Variants in TNIK observed in about 807,000 individuals in gnomAD.
TNIK encodes the protein TRAF2 and NCK-interacting protein kinase.
A neutral mutation model predicts 191.3 loss-of-function variants in TNIK; 49 were observed. The observed-to-expected ratio is 0.26, with a 90% CI of 0.20 to 0.32. The LOEUF (loss-of-function observed/expected upper bound fraction) is 0.32, where lower values mean the gene tolerates loss of function less well. Among genes scored for constraint, TNIK ranks in the 10% least tolerant of loss-of-function variants. The pLI is 1.00. For synonymous variants in TNIK, 594 were observed against 600.9 expected, an observed-to-expected ratio of 0.99 and a Z score of 0.17; for missense variants, 1,155 against 1,702.3, an observed-to-expected ratio of 0.68 and a Z score of 5.66.
Position 171,408,022 on chromosome 3 carries a change from AAATCATAAGACAGTATAATGGG to A in TNIK, c.58-38359_58-38338del, listed in dbSNP as rs1483360510. 3.2e-4 allele frequency among the ~76,000 whole-genome samples: 49 copies of A among 152,360 alleles called. 2 individuals are homozygous for A. The highest frequency in any genetic ancestry group is 9.6e-4 in the African/African-American group (40 of 41,578). On this transcript the variant is annotated intron_variant, in intron 1 of 32. Transcript: ENST00000436636. ...ATAAATGGCTGAAGATAAAAGAAAA[AAATCATAAGACAGTATAATGGG>A]AATCATAAGACAGTATAATGGGACT...
intron 23 of TNIK, 125 bp downstream of exon 23, chr3:171,093,714 G>C: frequency 2.4e-6 from 3 of 1,267,022 alleles, no homozygotes; most frequent in Non-Finnish European, 3.2e-6. Context: ...GGAAGCACAG[G>C]TCCTCCCTCC....
At chr3:171,367,268 C>T (rs544626842) in intron 2 of TNIK, among the ~76,000 whole-genome samples, 2 of 152,136 alleles carry the variant, frequency 1.3e-5, no homozygotes, top group Admixed American at 6.5e-5. Context: ...TCTTTTAGCT[C>T]GTATTTTGCT....
intron 1 of TNIK, among the ~76,000 whole-genome samples, chr3:171,376,278 C>T (rs1717202226): frequency 6.6e-6 from 1 of 152,172 alleles, no homozygotes; most frequent in Admixed American, 6.5e-5. Flanking sequence ...CAACAACCCC[C>T]AGATTCTAGT....
intron 9 of TNIK, among the ~76,000 whole-genome samples, chr3:171,169,890 A>G (rs1735073641): frequency 1.3e-5 from 2 of 152,238 alleles, no homozygotes; most frequent in Non-Finnish European, 2.9e-5. Flanking sequence ...CTGGTAATAT[A>G]TTTCATATCT....
At chr3:171,405,326 T>C (rs2108586810) in intron 1 of TNIK, among the ~76,000 whole-genome samples, 1 of 152,296 alleles carries the variant, frequency 6.6e-6, no homozygotes, top group South Asian at 2.1e-4. Context: ...AACCCCTATG[T>C]AAGTTTTTGA....
At chr3:171,170,313 T>G (rs1422169786) in intron 9 of TNIK, among the ~76,000 whole-genome samples, 1 of 152,222 alleles carries the variant, frequency 6.6e-6, no homozygotes, top group Admixed American at 6.5e-5. Context: ...ATATGTTAAA[T>G]TGTGTTGGGG....
At chr3:171,115,801 G>A (rs546288262) in intron 18 of TNIK, among the ~76,000 whole-genome samples, 1 of 152,336 alleles carries the variant, frequency 6.6e-6, no homozygotes, top group African/African-American at 2.4e-5. Flanking sequence ...AGAGAGGCAG[G>A]CAGACTAGTT....
At chr3:171,124,198 A>G (rs541587632) in intron 17 of TNIK, among the ~76,000 whole-genome samples, 1 of 152,342 alleles carries the variant, frequency 6.6e-6, no homozygotes, top group African/African-American at 2.4e-5. Context: ...TTAAGACATA[A>G]GTCATATGTT....
In TNIK at chr3:171,063,260, A is replaced by G. The variant is rs1718019602; in HGVS notation, c.*621T>C. Reference sequence around the variant, plus strand: ...TTTCCCAAAAGAGGGGAAAACTAGTATTTTTCTTCTCTTTTTAAAAATTCA... The same window carrying G: ...TTTCCCAAAAGAGGGGAAAACTAGTGTTTTTCTTCTCTTTTTAAAAATTCA... On this transcript the variant is annotated 3_prime_UTR_variant, in exon 33 of 33. Transcript: ENST00000436636. 1 of 152,190 alleles carries G rather than the reference A, an allele frequency of 6.6e-6. No individual in the cohort carries two copies. 9.4% of individuals were successfully genotyped at this position (152,190 alleles called of 1,614,324 possible). A position where few individuals can be genotyped will look rare whatever the true frequency, so the allele number is the denominator to read the frequency against.
chr3:171,107,125 GA>G, intron 21 of TNIK, 57 bp downstream of exon 21: 1 of 1,557,276 alleles, frequency 6.4e-7, no homozygotes, highest in Non-Finnish European at 8.7e-7. Context: ...TCAACATTAG[GA>G]AATAAGTTTA....
chr3:171,326,788 A>G (rs902838127), intron 2 of TNIK, among the ~76,000 whole-genome samples: 1 of 152,180 alleles, frequency 6.6e-6, no homozygotes, highest in Admixed American at 6.5e-5. Flanking sequence ...TGTTTAATTT[A>G]TTTGTTCACA....
intron 28 of TNIK, among the ~76,000 whole-genome samples, chr3:171,077,803 A>G (rs1325380515): frequency 1.3e-5 from 2 of 151,522 alleles, no homozygotes; most frequent in Non-Finnish European, 3.0e-5. Flanking sequence ...ACACATATAT[A>G]TACATATGTA....
chr3:171,202,750 G>T (rs189411206), intron 4 of TNIK, among the ~76,000 whole-genome samples: 13 of 152,294 alleles, frequency 8.5e-5, no homozygotes, highest in Admixed American at 7.2e-4. Flanking sequence ...ATCTGTGTTT[G>T]TATCTACGTA....
chr3:171,128,865 G>A lies in TNIK; in HGVS notation c.1622C>T (p.Ser541Leu). 2.1e-6 allele frequency: 3 copies of A among 1,461,994 alleles called. No individual in the cohort carries two copies. Among genetic ancestry groups the A allele is most frequent in the Non-Finnish European group, 2.7e-6 (3 of 1,093,214 alleles). 90.6% of individuals were successfully genotyped at this position (1,461,994 alleles called of 1,614,324 possible). Residue 541 changes from serine (S) to leucine (L), a missense_variant, in exon 16 of 33, where the codon TCA becomes TTA. This residue lies in a region of TNIK where 735 missense variants were observed against 848.0 expected (regional missense o/e 0.87). Coordinates refer to ENST00000436636, the MANE Select transcript of TNIK (RefSeq NM_015028.4). ...AGGGGAACTTTGCCGGTTGAGCCTTGACCGTTCTTCTACCTACAACCCAAA... is the reference window on the plus strand; with the variant it reads ...AGGGGAACTTTGCCGGTTGAGCCTTAACCGTTCTTCTACCTACAACCCAAA... ...PAWAKEVEERSRLNRQSSPAM... is the reference protein window; with the variant it reads ...PAWAKEVEERLRLNRQSSPAM...
intron 2 of TNIK, among the ~76,000 whole-genome samples, chr3:171,334,940 C>T (rs994470989): frequency 6.0e-5 from 9 of 149,580 alleles, no homozygotes; most frequent in East Asian, 5.8e-4. Context: ...ATTCTACTAG[C>T]GCTTACAACA....
At chr3:171,380,233 G>A (rs1717855551) in intron 1 of TNIK, among the ~76,000 whole-genome samples, 1 of 152,110 alleles carries the variant, frequency 6.6e-6, no homozygotes, top group Non-Finnish European at 1.5e-5. Context: ...GACCTGTCAG[G>A]ACAGGGTAAC....
intron 12 of TNIK, among the ~76,000 whole-genome samples, chr3:171,143,346 A>G (rs1054125543): frequency 6.6e-6 from 1 of 152,188 alleles, no homozygotes; most frequent in African/African-American, 2.4e-5. Context: ...TCAATGCAAG[A>G]CCAAGTCCCT....
At chr3:171,287,085 A>C (rs1751088458) in intron 2 of TNIK, among the ~76,000 whole-genome samples, 1 of 152,210 alleles carries the variant, frequency 6.6e-6, no homozygotes, top group South Asian at 2.1e-4. Context: ...GAACATGCTA[A>C]GGCAAGTAGG....
At chr3:171,330,366 C>T (rs184559321) in intron 2 of TNIK, among the ~76,000 whole-genome samples, 742 of 152,298 alleles carry the variant, frequency 4.9e-3, no homozygotes, top group Non-Finnish European at 7.8e-3. Context: ...AATCTACCTG[C>T]TAACAAAGAT....
Sources: gnomAD v4.1 joint callset for allele counts (sites outside exome capture counted in the v4.1 genomes callset) on GRCh38, gnomAD v4.1.1 for gene constraint, gnomAD v4.1.1 regional missense constraint, MANE v1.5 for transcripts, NCBI Gene and HGNC (gene_info 2026-07-23, HGNC 2026-07-21) for gene names.